The following C12orf42 variants were observed in gnomAD, a reference collection of about 807,000 sequenced individuals.
The protein encoded by C12orf42 is chromosome 12 open reading frame 42.
C12orf42 carries 25 observed loss-of-function variants against 21.6 expected under a neutral mutation model. The observed-to-expected ratio is 1.16, with a 90% CI of 0.84 to 1.62. The LOEUF (loss-of-function observed/expected upper bound fraction) is 1.62, where lower values mean the gene tolerates loss of function less well. Ranked by LOEUF, C12orf42 falls within the 40% of genes most tolerant of loss-of-function variation. The pLI is 0.00. For missense variants in C12orf42, 483 were observed against 459.3 expected, an observed-to-expected ratio of 1.05 and a Z score of -0.47; for synonymous variants, 174 against 175.0, an observed-to-expected ratio of 0.99 and a Z score of 0.05.
the C12orf42 span, among the ~76,000 whole-genome samples, chr12:103,079,059 CT>C: frequency 6.6e-6 from 1 of 152,184 alleles, no homozygotes; most frequent in African/African-American, 2.4e-5. Flanking sequence ...GTATTATTTA[CT>C]CTTTATAAAA....
chr12:103,283,558 A>G (rs1566017438), intron 4 of C12orf42, among the ~76,000 whole-genome samples: 1 of 152,166 alleles, frequency 6.6e-6, no homozygotes, highest in African/African-American at 2.4e-5. Context: ...TTCCAGACAC[A>G]CTAGCCTCCA....
At chr12:103,321,665 C>A (rs2040141227) in intron 4 of C12orf42, among the ~76,000 whole-genome samples, 1 of 142,372 alleles carries the variant, frequency 7.0e-6, no homozygotes, top group Admixed American at 7.1e-5. Flanking sequence ...CACATATACA[C>A]CATGGAATAC....
Position 103,302,136 on chromosome 12 carries a change from C to G in C12orf42, c.1055G>C (p.Arg352Thr). 2 of 1,612,110 alleles carry G rather than the reference C, an allele frequency of 1.2e-6. No homozygotes were observed. Among genetic ancestry groups the G allele is most frequent in the Non-Finnish European group, 8.5e-7 (1 of 1,179,130 alleles). Residue 352 changes from arginine (R) to threonine (T), a missense_variant, in exon 6 of 6, where the codon AGG becomes ACG. Transcript: ENST00000548883. ...ATGTAAGTGAGCATTCACCACCGGCCTAGAAAGGGCCTGTGAACAAACCGT... is the reference window on the plus strand; with the variant it reads ...ATGTAAGTGAGCATTCACCACCGGCGTAGAAAGGGCCTGTGAACAAACCGT... ...FHTVCSQALS[R>T]PVVNAHLH
the C12orf42 span, among the ~76,000 whole-genome samples, chr12:103,525,629 A>C: frequency 6.6e-6 from 1 of 152,196 alleles, no homozygotes; most frequent in Non-Finnish European, 1.5e-5. Flanking sequence ...AAATATTATA[A>C]GTATCAATAT....
intron 2 of C12orf42, among the ~76,000 whole-genome samples, chr12:103,467,985 A>G (rs2137810781): frequency 6.6e-6 from 1 of 152,312 alleles, no homozygotes; most frequent in Admixed American, 6.5e-5. Context: ...TGGGTCTCTG[A>G]CTGACCTAAC....
chr12:103,509,821 C>T, the C12orf42 span, among the ~76,000 whole-genome samples: 77 of 152,124 alleles, frequency 5.1e-4, no homozygotes, highest in African/African-American at 1.8e-3. Context: ...TTTACTCCTG[C>T]AAGAATGGCC....
chr12:103,217,450 G>A, the C12orf42 span, among the ~76,000 whole-genome samples: 1 of 150,596 alleles, frequency 6.6e-6, no homozygotes, highest in African/African-American at 2.5e-5. Context: ...GATCCCTTGA[G>A]CCTCAGAGGT....
At chr12:103,442,349 C>T (rs546794794) in intron 2 of C12orf42, among the ~76,000 whole-genome samples, 1 of 152,274 alleles carries the variant, frequency 6.6e-6, no homozygotes, top group Admixed American at 6.5e-5. Context: ...ACGGGGATGA[C>T]AGTTCTGTGA....
the C12orf42 span, among the ~76,000 whole-genome samples, chr12:103,147,624 T>TC: frequency 0.058 from 1,946 of 33,328 alleles, 18 homozygotes; most frequent in East Asian, 0.12. Context: ...TCTCTCTCTC[T>TC]TTTTTTTTTT....
chr12:103,294,466 G>GAAAT (rs1484870427), intron 4 of C12orf42, among the ~76,000 whole-genome samples: 1 of 111,854 alleles, frequency 8.9e-6, no homozygotes, highest in African/African-American at 4.2e-5. Context: ...AAGAAAGAAA[G>GAAAT]AAAGAAATAA....
chr12:103,263,893 G>A (rs1296772412), downstream of C12orf42, among the ~76,000 whole-genome samples: 1 of 152,052 alleles, frequency 6.6e-6, no homozygotes, highest in Admixed American at 6.6e-5. Flanking sequence ...CTTCACTTAT[G>A]TGCTTTAACT....
intron 3 of C12orf42, among the ~76,000 whole-genome samples, chr12:103,396,316 C>CT (rs2047528791): frequency 6.6e-6 from 1 of 152,082 alleles, no homozygotes; most frequent in Admixed American, 6.6e-5. Context: ...TGAAGAGGTA[C>CT]TTGCTTCTCC....
chr12:103,235,347 CA>C (rs2033435832), downstream of C12orf42, among the ~76,000 whole-genome samples: 1 of 152,216 alleles, frequency 6.6e-6, no homozygotes, highest in African/African-American at 2.4e-5. Context: ...ATATGAGGGT[CA>C]AGAAAACTAT....
the C12orf42 span, among the ~76,000 whole-genome samples, chr12:103,147,703 T>C: frequency 6.7e-6 from 1 of 149,068 alleles, no homozygotes; most frequent in East Asian, 2.0e-4. Context: ...TGTGTGAGGC[T>C]GGTGTTCACT....
the C12orf42 span, among the ~76,000 whole-genome samples, chr12:103,089,104 A>AAAG: frequency 6.7e-6 from 1 of 148,798 alleles, no homozygotes; most frequent in Non-Finnish European, 1.5e-5. Flanking sequence ...TCCATCTCAA[A>AAAG]AAAAAAAAAA....
chr12:103,440,028 A>G (rs1364605631), intron 2 of C12orf42, among the ~76,000 whole-genome samples: 2 of 148,476 alleles, frequency 1.3e-5, no homozygotes, highest in Non-Finnish European at 3.0e-5. Context: ...ATAATGATAG[A>G]CTGGATTAAG....
chr12:103,221,667 TG>T, the C12orf42 span, among the ~76,000 whole-genome samples: 2 of 152,180 alleles, frequency 1.3e-5, no homozygotes, highest in African/African-American at 4.8e-5. Flanking sequence ...AGAAAGGCAT[TG>T]GTTTGGAATC....
intron 3 of C12orf42, 43 bp downstream of exon 3, chr12:103,401,564 G>T (rs372402830): frequency 6.5e-7 from 1 of 1,550,150 alleles, no homozygotes; most frequent in South Asian, 1.1e-5. Flanking sequence ...CCTAAAGGAC[G>T]GCACTATGGA....
At chr12:103,060,976 A>G in the C12orf42 span, among the ~76,000 whole-genome samples, 1 of 152,218 alleles carries the variant, frequency 6.6e-6, no homozygotes, top group Non-Finnish European at 1.5e-5. Context: ...GACAAATGGG[A>G]TCTAATTAAA....
Sources: allele counts gnomAD v4.1 joint callset (sites outside exome capture counted in the v4.1 genomes callset), GRCh38; gene constraint gnomAD v4.1.1; transcripts MANE v1.5; gene names NCBI Gene and HGNC (gene_info 2026-07-23, HGNC 2026-07-21).